MYO15A: variants seen among roughly 807,000 people sequenced by gnomAD.
The protein encoded by MYO15A is unconventional myosin-XV.
A neutral mutation model predicts 394.6 loss-of-function variants in MYO15A; 308 were observed. The observed-to-expected ratio is 0.78, with a 90% CI of 0.71 to 0.86. MYO15A has a LOEUF of 0.86. Ranked by LOEUF, MYO15A falls within the 40% of genes least tolerant of loss-of-function variation. MYO15A has a pLI of 0.00. For synonymous variants in MYO15A, 1,957 were observed against 2,003.8 expected, an observed-to-expected ratio of 0.98 and a Z score of 0.62; for missense variants, 4,606 against 4,799.1, an observed-to-expected ratio of 0.96 and a Z score of 1.19.
Position 18,151,528 on chromosome 17 carries a change from G to C in MYO15A, c.7787+1G>C. The C allele has an allele frequency of 6.2e-7, 1 of 1,613,994 alleles. No homozygotes were observed. The highest frequency in any genetic ancestry group is 8.5e-7 in the Non-Finnish European group (1 of 1,179,986). ...GGGGAGGCCGGCCTGAGGCCCTCAG[G>C]TCAGCACTGCCCCTGCCCCCAGCCC... On this transcript the variant is annotated splice_donor_variant, in intron 40 of 65. Coordinates refer to ENST00000647165, the MANE Select transcript of MYO15A (RefSeq NM_016239.4). LOFTEE classifies it high-confidence loss of function.
At position 18,155,441 on chromosome 17, in the gene MYO15A, C is replaced by G. The variant is rs186731634; in HGVS notation, c.8459+9C>G. ...GTCCTGCGTGCATACAGGTGACCAG[C>G]AGGGGTGAAGTGGGGCTGGCTGGAG... On this transcript the variant is annotated intron_variant, in intron 47 of 65. Transcript: ENST00000647165. 2.5e-5 allele frequency: 41 copies of G among 1,610,152 alleles called. No individual in the cohort carries two copies. In the East Asian group the frequency reaches 9.1e-4, roughly 36 times the overall value.
intron 65 of MYO15A, among the ~76,000 whole-genome samples, chr17:18,174,994 A>G (rs866831593): frequency 6.6e-6 from 1 of 151,540 alleles, no homozygotes; most frequent in East Asian, 1.9e-4. Context: ...CCACACCCCA[A>G]TCTGCTCCTG....
At chr17:18,139,868 C>T (rs1163973688) in intron 19 of MYO15A, among the ~76,000 whole-genome samples, 3 of 152,246 alleles carry the variant, frequency 2.0e-5, no homozygotes, top group Non-Finnish European at 4.4e-5. Context: ...TGGCCCCGCT[C>T]CCAGTTCTAA....
chr17:18,140,593 G>A lies in MYO15A; in HGVS notation c.5288G>A (p.Arg1763Gln), dbSNP rs780165350. The A allele has an allele frequency of 2.4e-5, 38 of 1,613,620 alleles. No individual in the cohort carries two copies. The highest frequency in any genetic ancestry group is 1.6e-4 in the Middle Eastern group (1 of 6,084). Residue 1763 changes from arginine (R) to glutamine (Q), a missense_variant, in exon 20 of 66, where the codon CGG (arginine) becomes CAG (glutamine). By Grantham distance (43) the Arg-to-Gln change is conservative. Around this residue, in one of 2 missense-constraint regions of MYO15A, gnomAD observed 2,776 missense variants for 3,109.3 expected, o/e 0.89. Transcript: ENST00000647165. ...QRLGKSSSVT[R>Q]LYKAHTVAAK... ...CTGGGCAAGAGCAGCTCCGTCACTC[G>A]GCTCTACAAGGCGCACACTGTGGCC...
chr17:18,160,905 TCTC>T (rs2046764459), intron 56 of MYO15A: 4 of 364,192 alleles, frequency 1.1e-5, no homozygotes, highest in South Asian at 2.1e-5. Flanking sequence ...TTGCTCTCCA[TCTC>T]CTCAGGATTT....
chr17:18,147,628 G>A lies in MYO15A; in HGVS notation c.6510-401G>A, dbSNP rs148440026. 1.3e-5 allele frequency among the ~76,000 whole-genome samples: 2 copies of A among 152,324 alleles called. No homozygotes were observed. The highest frequency in any genetic ancestry group is 4.8e-5 in the African/African-American group (2 of 41,568). ...TGCCCTGTGAGAGAATGGAGACAGA[G>A]TTCTGGTTGTTGCCCACACCCAGCT... is the stretch of plus-strand genomic sequence containing the variant. On this transcript the variant is annotated intron_variant, in intron 30 of 65. Transcript: ENST00000647165. This position sits in a 1 kb window ranked among gnomAD's most constrained non-coding sequence, Gnocchi z 4.4.
At chr17:18,144,140 G>A in intron 28 of MYO15A, 140 bp downstream of exon 28, 1 of 1,402,602 alleles carries the variant, frequency 7.1e-7, no homozygotes, top group Non-Finnish European at 9.8e-7. Context: ...GGATCATAGG[G>A]AATCTGGGAG....
chr17:18,148,099 C>T lies in MYO15A; in HGVS notation c.6580C>T (p.Arg2194Trp), dbSNP rs773551819. ...CQHRLMQAMGRAQQQGSGAAR... is the reference protein window; with the variant it reads ...CQHRLMQAMGWAQQQGSGAAR... ...GCACCGCCTCATGCAGGCCATGGGC[C>T]GGGCCCAACAGCAGGGCTCGGGGGC... Residue 2194 changes from arginine to tryptophan, a missense_variant, in exon 31 of 66, where the codon CGG (arginine) becomes TGG (tryptophan). This residue lies in a region of MYO15A where 2,776 missense variants were observed against 3,109.3 expected (regional missense o/e 0.89). Coordinates refer to ENST00000647165, the MANE Select transcript of MYO15A (RefSeq NM_016239.4). This position sits in a 1 kb window ranked among gnomAD's most constrained non-coding sequence, Gnocchi z 4.8. 322 of 1,613,826 alleles carry T rather than the reference C, an allele frequency of 2.0e-4. 1 individual carries two copies. The highest frequency in any genetic ancestry group is 2.4e-4 in the Non-Finnish European group (283 of 1,180,052).
At chr17:18,156,686 T>C (rs2046681185) in intron 48 of MYO15A, among the ~76,000 whole-genome samples, 1 of 152,226 alleles carries the variant, frequency 6.6e-6, no homozygotes, top group Non-Finnish European at 1.5e-5. Context: ...AGGTCATCTC[T>C]GTGCCCCAGG....
In MYO15A at chr17:18,149,354, A is replaced by G. The variant is rs1197239672; in HGVS notation, c.7095A>G (p.Gln2365=). The change falls in exon 34 of 66, where the codon CAA becomes CAG. Residue 2365 remains glutamine, a synonymous_variant. Coordinates refer to ENST00000647165, the MANE Select transcript of MYO15A (RefSeq NM_016239.4). ...QDGTNGETEA[Q]RGTATHQESD... ...GTACAAATGGGGAGACTGAGGCCCA[A>G]AGAGGGACAGCAACCCACCAAGGTC... The G allele has an allele frequency of 3.7e-6, 6 of 1,608,574 alleles. No homozygotes were observed. Among genetic ancestry groups the G allele is most frequent in the African/African-American group, 2.7e-5 (2 of 74,736 alleles).
At chr17:18,154,890 C>G in intron 45 of MYO15A, 135 bp downstream of exon 45, 1 of 1,110,298 alleles carries the variant, frequency 9.0e-7, no homozygotes, top group Non-Finnish European at 1.3e-6. Context: ...CTCTGCTTCT[C>G]TGGCCTCTCG....
chr17:18,161,540 G>A (rs1567660655), intron 57 of MYO15A, 93 bp downstream of exon 57: 13 of 1,548,208 alleles, frequency 8.4e-6, no homozygotes, highest in South Asian at 6.7e-5. Context: ...AGAGGGCCTC[G>A]CTCTTCACAG....
rs1233667120 is a variant in MYO15A, at chr17:18,126,343, G to A, written c.3757-4G>A. On this transcript the variant is annotated splice_region_variant and splice_polypyrimidine_tract_variant and intron_variant, in intron 4 of 65. Coordinates refer to ENST00000647165, the MANE Select transcript of MYO15A (RefSeq NM_016239.4). ...CGACGCTGAGGCCACCGTCTGCCCA[G>A]CAGACATACATTGGGAGCATCCTGG... 1.2e-6 allele frequency: 2 copies of A among 1,613,410 alleles called. No homozygotes were observed. Among genetic ancestry groups the A allele is most frequent in the South Asian group, 1.1e-5 (1 of 91,068 alleles).
chr17:18,174,537 G>A (rs1171545160), intron 65 of MYO15A, among the ~76,000 whole-genome samples: 1 of 152,194 alleles, frequency 6.6e-6, no homozygotes, highest in Non-Finnish European at 1.5e-5. Context: ...CCAGGTGTTG[G>A]AGTTCGAGGC....
In MYO15A at chr17:18,171,791, G is replaced by A; in HGVS notation, c.10216+20G>A. 6.2e-7 allele frequency: 1 copy of A among 1,603,314 alleles called. No homozygotes were observed. Among genetic ancestry groups the A allele is most frequent in the Non-Finnish European group, 8.5e-7 (1 of 1,178,764 alleles). Reference sequence around the variant, plus strand: ...TTCTGGGTAAGAGCTGCAGGGCAGGGGAGGTGATCATAGGGGGCTTTGCTG... The same window carrying A: ...TTCTGGGTAAGAGCTGCAGGGCAGGAGAGGTGATCATAGGGGGCTTTGCTG... On this transcript the variant is annotated intron_variant, in intron 63 of 65. Coordinates refer to ENST00000647165, the MANE Select transcript of MYO15A (RefSeq NM_016239.4).
intron 1 of MYO15A, among the ~76,000 whole-genome samples, chr17:18,114,658 C>A (rs775351361): frequency 6.6e-6 from 1 of 152,166 alleles, no homozygotes; most frequent in Non-Finnish European, 1.5e-5. Flanking sequence ...CTCTAAGGAG[C>A]TGCATCCATT....
intron 5 of MYO15A, 34 bp from the exon 6 acceptor site, chr17:18,126,757 G>C: frequency 6.2e-7 from 1 of 1,612,004 alleles, no homozygotes; most frequent in Non-Finnish European, 8.5e-7. Flanking sequence ...GGAGCTTAGA[G>C]GCAGGGGCCA....
chr17:18,174,336 G>A (rs1265251115), intron 65 of MYO15A, among the ~76,000 whole-genome samples: 1 of 152,104 alleles, frequency 6.6e-6, no homozygotes, highest in African/African-American at 2.4e-5. Flanking sequence ...AAAAGGCAGG[G>A]GTGAAACAGG....
In MYO15A at chr17:18,121,531, C is replaced by T; in HGVS notation, c.2731C>T (p.Arg911Ter). Residue 911 changes from arginine to a stop codon, truncating the protein, a stop_gained, in exon 2 of 66, where the codon CGA becomes TGA. Coordinates refer to ENST00000647165, the MANE Select transcript of MYO15A (RefSeq NM_016239.4). LOFTEE classifies it high-confidence loss of function. The surrounding 1 kb of genome is among the most constrained non-coding windows in gnomAD (Gnocchi z 5.3). Reference sequence around the variant, plus strand: ...GCCCCTGGAACACCGGGAGAGCCCGCGAGAACCCGAGGACTCAGAGACGCC... The same window carrying T: ...GCCCCTGGAACACCGGGAGAGCCCGTGAGAACCCGAGGACTCAGAGACGCC... ...RAPLEHRESPREPEDSETPWT... is the reference protein window; with the variant it reads ...RAPLEHRESP 6.4e-7 allele frequency: 1 copy of T among 1,566,982 alleles called. No homozygotes were observed. Among genetic ancestry groups the T allele is most frequent in the Non-Finnish European group, 8.6e-7 (1 of 1,156,694 alleles).
Sources: gnomAD v4.1 joint callset for allele counts (sites outside exome capture counted in the v4.1 genomes callset) on GRCh38, gnomAD v4.1.1 for gene constraint, gnomAD v4.1.1 regional missense constraint, Gnocchi (gnomAD v3.1) non-coding constraint, MANE v1.5 for transcripts, NCBI Gene and HGNC (gene_info 2026-07-23, HGNC 2026-07-21) for gene names.